The following RCOR1 variants were observed in gnomAD, a reference collection of about 807,000 sequenced individuals.
RCOR1 encodes REST corepressor 1, also known as REST corepressor.
In RCOR1, 12 loss-of-function variants were observed where a neutral mutation model predicts 64.0. The ratio of observed to expected loss-of-function variants is 0.19; its 90% confidence interval spans 0.12 to 0.30. The LOEUF (loss-of-function observed/expected upper bound fraction) is 0.30, where lower values mean the gene tolerates loss of function less well. Among genes scored for constraint, RCOR1 ranks in the 10% least tolerant of loss-of-function variants. The pLI, the probability that RCOR1 is intolerant of heterozygous loss-of-function variation, is 1.00. For synonymous variants in RCOR1, 279 were observed against 227.2 expected (o/e 1.23, Z -2.05); for missense variants, 502 against 621.2 (o/e 0.81, Z 2.04).
At chr14:102,687,626 C>A (rs556315567) in intron 3 of RCOR1, among the ~76,000 whole-genome samples, 1 of 152,198 alleles carries the variant, frequency 6.6e-6, no homozygotes, top group East Asian at 1.9e-4. Flanking sequence ...CTTGATGAAA[C>A]CATGGCTTGA....
At chr14:102,646,463 A>C (rs1894479703) in intron 2 of RCOR1, among the ~76,000 whole-genome samples, 2 of 152,234 alleles carry the variant, frequency 1.3e-5, no homozygotes, top group Non-Finnish European at 2.9e-5. Flanking sequence ...AATGCATGAC[A>C]TAAAAGCAAG....
chr14:102,698,363 G>A (rs1895687053), intron 3 of RCOR1, among the ~76,000 whole-genome samples: 1 of 152,208 alleles, frequency 6.6e-6, no homozygotes, highest in Admixed American at 6.5e-5. Context: ...ACTAGCCCCT[G>A]TGCTGGGCCA....
At chr14:102,665,238 C>T (rs1038238010) in intron 2 of RCOR1, among the ~76,000 whole-genome samples, 2 of 151,406 alleles carry the variant, frequency 1.3e-5, no homozygotes, top group Non-Finnish European at 2.9e-5. Flanking sequence ...CTCCTGACCT[C>T]TGGTGATCCA....
chr14:102,723,153 T>G (rs1200400727), intron 11 of RCOR1, among the ~76,000 whole-genome samples: 1 of 152,238 alleles, frequency 6.6e-6, no homozygotes, highest in Non-Finnish European at 1.5e-5. Flanking sequence ...GCATCTGAAT[T>G]TGTTCACAGG....
At chr14:102,620,159 G>A (rs1462347360) in intron 2 of RCOR1, among the ~76,000 whole-genome samples, 2 of 152,122 alleles carry the variant, frequency 1.3e-5, no homozygotes, top group African/African-American at 4.8e-5. Flanking sequence ...GGAGGCCAAG[G>A]TGGGAGGATT....
At chr14:102,636,835 G>A (rs1040855430) in intron 2 of RCOR1, among the ~76,000 whole-genome samples, 2 of 151,794 alleles carry the variant, frequency 1.3e-5, no homozygotes, top group African/African-American at 2.4e-5. Context: ...GCTGGGCATG[G>A]TGGTGCACGC....
chr14:102,642,537 T>C (rs1894390450), intron 2 of RCOR1, among the ~76,000 whole-genome samples: 1 of 152,198 alleles, frequency 6.6e-6, no homozygotes, highest in African/African-American at 2.4e-5. Flanking sequence ...GTTAAACTTG[T>C]TCAGAAGTTA....
chr14:102,679,629 C>A (rs1036793133), intron 2 of RCOR1, among the ~76,000 whole-genome samples: 10 of 152,152 alleles, frequency 6.6e-5, no homozygotes, highest in Non-Finnish European at 1.3e-4. Context: ...CAGGCGCCCG[C>A]CACCACGCCC....
At chr14:102,701,148 T>C (rs533341994) in intron 3 of RCOR1, 130 bp from the exon 4 acceptor site, 7 of 763,818 alleles carry the variant, frequency 9.2e-6, no homozygotes, top group African/African-American at 8.8e-5. Context: ...CAAATCAAAA[T>C]GAGATTTGGG....
intron 2 of RCOR1, among the ~76,000 whole-genome samples, chr14:102,598,258 AT>A (rs914682703): frequency 6.6e-6 from 1 of 151,768 alleles, no homozygotes; most frequent in African/African-American, 2.4e-5. Flanking sequence ...GCCCGGCCTG[AT>A]TTTTTTGTCA....
At chr14:102,618,075 G>T (rs1239546490) in intron 2 of RCOR1, among the ~76,000 whole-genome samples, 1 of 149,716 alleles carries the variant, frequency 6.7e-6, no homozygotes, top group African/African-American at 2.5e-5. Flanking sequence ...CTGGGTTCAA[G>T]TGATTCCCGT....
At chr14:102,712,206 A>T (rs1020454241) in intron 7 of RCOR1, among the ~76,000 whole-genome samples, 4 of 151,896 alleles carry the variant, frequency 2.6e-5, no homozygotes, top group African/African-American at 9.7e-5. Flanking sequence ...TTTTTGAGAC[A>T]GTCTCTCACT....
chr14:102,602,121 T>G (rs1460339000), intron 2 of RCOR1, among the ~76,000 whole-genome samples: 1 of 150,782 alleles, frequency 6.6e-6, no homozygotes, highest in Non-Finnish European at 1.5e-5. Flanking sequence ...GTTGTGCCAC[T>G]GCACTCCAGA....
intron 2 of RCOR1, among the ~76,000 whole-genome samples, chr14:102,649,057 CAAA>C (rs1323616591): frequency 1.6e-5 from 2 of 128,498 alleles, no homozygotes; most frequent in Non-Finnish European, 3.3e-5. Flanking sequence ...ACCAAACAAG[CAAA>C]AAAAACAAAA....
intron 2 of RCOR1, chr14:102,657,275 T>C (rs1314117428): frequency 1.0e-6 from 1 of 985,268 alleles, no homozygotes; most frequent in Non-Finnish European, 1.2e-6. Flanking sequence ...CCTGTATGTA[T>C]GCTTTTGGTG....
intron 7 of RCOR1, 41 bp downstream of exon 7, chr14:102,711,054 A>C: frequency 7.8e-7 from 1 of 1,279,302 alleles, no homozygotes; most frequent in Middle Eastern, 1.9e-4. Flanking sequence ...AATAAATTTT[A>C]TTACTAGTTT....
At chr14:102,711,215 A>G (rs943867087) in intron 7 of RCOR1, among the ~76,000 whole-genome samples, 1 of 152,268 alleles carries the variant, frequency 6.6e-6, no homozygotes, top group African/African-American at 2.4e-5. Context: ...AGGAAGGCTT[A>G]AAGGATAGAA....
At chr14:102,597,359 C>T (rs1595187142) in intron 2 of RCOR1, among the ~76,000 whole-genome samples, 1 of 150,420 alleles carries the variant, frequency 6.6e-6, no homozygotes, top group Admixed American at 6.6e-5. Context: ...GACAGAGTCT[C>T]GCTCTTTCAC....
At chr14:102,656,590 C>T (rs1466652738) in intron 2 of RCOR1, among the ~76,000 whole-genome samples, 1 of 151,972 alleles carries the variant, frequency 6.6e-6, no homozygotes, top group Non-Finnish European at 1.5e-5. Flanking sequence ...GTTCCAGCCT[C>T]CTAGGTAACT....
Sources: gnomAD v4.1 joint callset for allele counts (sites outside exome capture counted in the v4.1 genomes callset) on GRCh38, gnomAD v4.1.1 for gene constraint, MANE v1.5 for transcripts, NCBI Gene and HGNC (gene_info 2026-07-23, HGNC 2026-07-21) for gene names.